The following DIAPH2 variants were observed in gnomAD, a reference collection of about 807,000 sequenced individuals.
DIAPH2 encodes protein diaphanous homolog 2.
Under a neutral mutation model 92.7 loss-of-function variants are expected in DIAPH2, and 35 were observed. The ratio of observed to expected loss-of-function variants is 0.38; its 90% CI spans 0.29 to 0.50. The LOEUF is 0.50. Among genes scored for constraint, DIAPH2 ranks in the 20% least tolerant of loss-of-function variants. The probability of loss-of-function intolerance (pLI) is 0.94; values close to 1 mark genes in which losing one functional copy is unlikely to be tolerated. For synonymous variants in DIAPH2, 301 were observed against 280.4 expected, an observed-to-expected ratio of 1.07 and a Z score of -0.73; for missense variants, 701 against 819.5, an observed-to-expected ratio of 0.86 and a Z score of 1.77.
intron 26 of DIAPH2, among the ~76,000 whole-genome samples, chrX:97,451,963 C>T (rs1216314045): frequency 1.8e-5 from 2 of 111,178 alleles, no homozygotes; most frequent in East Asian, 5.6e-4. Context: ...GTAAGCTATG[C>T]TATTGTAGTA....
At chrX:96,859,890 C>G (rs996570043) in intron 4 of DIAPH2, among the ~76,000 whole-genome samples, 1 of 111,416 alleles carries the variant, frequency 9.0e-6, no homozygotes, top group Non-Finnish European at 1.9e-5. Flanking sequence ...ATCCGCCCGC[C>G]TCGGCCTCCC....
At chrX:97,270,499 A>AG (rs1181502651) in intron 23 of DIAPH2, among the ~76,000 whole-genome samples, 1 of 112,030 alleles carries the variant, frequency 8.9e-6, no homozygotes, top group Admixed American at 9.5e-5. Flanking sequence ...TAGAGGTGGC[A>AG]GCCTTAACAA....
chrX:96,958,278 G>A, intron 16 of DIAPH2, 130 bp downstream of exon 16: 1 of 735,370 alleles, frequency 1.4e-6, no homozygotes, highest in Non-Finnish European at 1.8e-6. Context: ...ATCATTTTAT[G>A]TCCATCTTTC....
intron 3 of DIAPH2, among the ~76,000 whole-genome samples, chrX:96,745,646 A>G (rs2064145648): frequency 8.9e-6 from 1 of 111,859 alleles, no homozygotes; most frequent in African/African-American, 3.3e-5. Flanking sequence ...TTAATTACTA[A>G]TAGATCATTT....
chrX:96,712,012 T>C (rs1419786398), intron 1 of DIAPH2, among the ~76,000 whole-genome samples: 1 of 111,729 alleles, frequency 9.0e-6, no homozygotes, highest in Non-Finnish European at 1.9e-5. Flanking sequence ...TTTTAGAATA[T>C]TGAACTGTAC....
intron 14 of DIAPH2, among the ~76,000 whole-genome samples, chrX:96,948,442 G>A (rs1317577188): frequency 9.0e-6 from 1 of 110,716 alleles, no homozygotes; most frequent in African/African-American, 3.3e-5. Context: ...GTGTGGTGGT[G>A]CGCACCTGTA....
At chrX:97,366,918 A>G (rs1194957979) in intron 24 of DIAPH2, among the ~76,000 whole-genome samples, 1 of 112,074 alleles carries the variant, frequency 8.9e-6, no homozygotes, top group African/African-American at 3.2e-5. Context: ...TGCAAAAAGT[A>G]ACACAGATTT....
At chrX:97,348,824 G>A (rs1433824885) in intron 24 of DIAPH2, among the ~76,000 whole-genome samples, 1 of 109,782 alleles carries the variant, frequency 9.1e-6, no homozygotes, top group African/African-American at 3.3e-5. Context: ...TGGCAATTAG[G>A]GTACAAGTTA....
chrX:97,520,342 A>C (rs2070982486), intron 26 of DIAPH2, among the ~76,000 whole-genome samples: 1 of 112,089 alleles, frequency 8.9e-6, no homozygotes, highest in Non-Finnish European at 1.9e-5. Context: ...GTGTAGTCTC[A>C]ATGATGGCTG....
intron 23 of DIAPH2, among the ~76,000 whole-genome samples, chrX:97,343,661 T>G (rs1273409155): frequency 1.0e-5 from 1 of 99,262 alleles, no homozygotes; most frequent in Non-Finnish European, 2.0e-5. Context: ...AGAGTGAGAC[T>G]CTGTCTCAAA....
At chrX:97,365,014 C>G (rs2069366442) in intron 24 of DIAPH2, among the ~76,000 whole-genome samples, 1 of 110,882 alleles carries the variant, frequency 9.0e-6, no homozygotes, top group African/African-American at 3.3e-5. Context: ...ACATCCTTTT[C>G]AACTTTCTCC....
At chrX:97,559,342 T>G (rs1317230834) in intron 26 of DIAPH2, among the ~76,000 whole-genome samples, 1 of 110,181 alleles carries the variant, frequency 9.1e-6, no homozygotes, top group Non-Finnish European at 1.9e-5. Context: ...ACACAAAAAT[T>G]AGCTGGGCGT....
At chrX:97,373,844 C>T (rs2069474131) in intron 24 of DIAPH2, among the ~76,000 whole-genome samples, 1 of 109,629 alleles carries the variant, frequency 9.1e-6, no homozygotes, top group Non-Finnish European at 1.9e-5. Context: ...TCAGGTGATC[C>T]GCCTGCCTCG....
At chrX:97,448,286 T>C (rs934810781) in intron 26 of DIAPH2, among the ~76,000 whole-genome samples, 1 of 112,425 alleles carries the variant, frequency 8.9e-6, no homozygotes, top group African/African-American at 3.2e-5. Flanking sequence ...CAAATTGTTC[T>C]ACTCTTCTAA....
At chrX:97,547,938 A>G (rs1028199701) in intron 26 of DIAPH2, among the ~76,000 whole-genome samples, 1 of 111,711 alleles carries the variant, frequency 9.0e-6, no homozygotes, top group Non-Finnish European at 1.9e-5. Context: ...TCATTTCCCT[A>G]TTTAAGAAAC....
At chrX:97,242,027 G>C (rs769474323) in intron 22 of DIAPH2, among the ~76,000 whole-genome samples, 135 of 111,225 alleles carry the variant, frequency 1.2e-3, no homozygotes, top group Non-Finnish European at 2.1e-3. Context: ...GCCCGCCTCG[G>C]CCTCCCAAAG....
chrX:97,189,430 T>G (rs1602403945), intron 22 of DIAPH2, among the ~76,000 whole-genome samples: 2 of 84,726 alleles, frequency 2.4e-5, no homozygotes, highest in African/African-American at 4.4e-5. Flanking sequence ...GAATCAGTCG[T>G]CCCCCCCCCT....
At chrX:97,508,351 CTG>C (rs1045294792) in intron 26 of DIAPH2, among the ~76,000 whole-genome samples, 2 of 111,789 alleles carry the variant, frequency 1.8e-5, no homozygotes, top group Admixed American at 9.5e-5. Context: ...GGTTGATAAA[CTG>C]AGAGTTTAAA....
chrX:96,737,443 A>T (rs1908823355), intron 2 of DIAPH2, among the ~76,000 whole-genome samples: 1 of 112,107 alleles, frequency 8.9e-6, no homozygotes, highest in South Asian at 3.7e-4. Flanking sequence ...AAGTAATTAT[A>T]TAAGGATTCT....
Sources: gnomAD v4.1 joint callset for allele counts (sites outside exome capture counted in the v4.1 genomes callset) on GRCh38, gnomAD v4.1.1 for gene constraint, MANE v1.5 for transcripts, NCBI Gene and HGNC (gene_info 2026-07-23, HGNC 2026-07-21) for gene names.